Variants in MBP observed in about 807,000 individuals in gnomAD.
MBP encodes Golli-MBP.
A neutral mutation model predicts 35.8 loss-of-function variants in MBP; 16 were observed. The ratio of observed to expected loss-of-function variants is 0.45; its 90% confidence interval spans 0.30 to 0.68. The LOEUF is 0.68. Ranked by LOEUF, MBP falls within the 30% of genes least tolerant of loss-of-function variation. The pLI, the probability that MBP is intolerant of heterozygous loss-of-function variation, is 0.08. For missense variants in MBP, 380 were observed against 404.7 expected (o/e 0.94, Z 0.52); for synonymous variants, 143 against 159.6 (o/e 0.90, Z 0.78).
At chr18:77,092,205 G>A (rs1466371976) in intron 2 of MBP, among the ~76,000 whole-genome samples, 9 of 152,266 alleles carry the variant, frequency 5.9e-5, no homozygotes, top group Non-Finnish European at 1.5e-5. Context: ...GGCACAGTGC[G>A]CGGCGCCTCA....
chr18:77,061,970 G>C (rs1265498804), intron 3 of MBP, among the ~76,000 whole-genome samples: 1 of 152,224 alleles, frequency 6.6e-6, no homozygotes. Flanking sequence ...GCCCTGTGAA[G>C]TGGACGCAGT....
intron 3 of MBP, among the ~76,000 whole-genome samples, chr18:77,027,982 T>TATTTA (rs1972289349): frequency 6.9e-6 from 1 of 145,442 alleles, no homozygotes; most frequent in Non-Finnish European, 1.5e-5. Context: ...CCCAGCTAAT[T>TATTTA]TTTATTTATT....
At chr18:77,055,396 C>G (rs1324088788) in intron 3 of MBP, among the ~76,000 whole-genome samples, 4 of 152,184 alleles carry the variant, frequency 2.6e-5, no homozygotes, top group African/African-American at 7.2e-5. Context: ...CAACCCCTGA[C>G]CCAGGAGGTG....
chr18:77,105,056 T>C (rs1260710538), intron 2 of MBP, among the ~76,000 whole-genome samples, 155 bp downstream of exon 2: 1 of 152,140 alleles, frequency 6.6e-6, no homozygotes, highest in Non-Finnish European at 1.5e-5. Flanking sequence ...TCATAATTAA[T>C]TATTAATAAT....
At chr18:77,076,567 C>T (rs62104280) in intron 2 of MBP, among the ~76,000 whole-genome samples, 23,809 of 152,260 alleles carry the variant, frequency 0.16, 2,087 homozygotes, top group Middle Eastern at 0.24. Context: ...GCTGCTGCTG[C>T]TTCAGTGCTG....
intron 2 of MBP, among the ~76,000 whole-genome samples, chr18:77,078,804 G>A (rs60881143): frequency 0.031 from 4,750 of 152,266 alleles, 135 homozygotes; most frequent in East Asian, 0.088. Context: ...CCCTGGGGTC[G>A]GGTGGACTCC....
chr18:77,107,974 C>T (rs1043407662), intron 1 of MBP, among the ~76,000 whole-genome samples: 5 of 152,116 alleles, frequency 3.3e-5, no homozygotes, highest in East Asian at 1.9e-4. Flanking sequence ...AGGAACAAAA[C>T]GACAACTTGA....
chr18:76,998,372 A>G lies in MBP; in HGVS notation c.577-8312T>C, dbSNP rs1044142631. Among the ~76,000 whole-genome samples, 7 of 152,102 alleles carry G rather than the reference A, an allele frequency of 4.6e-5. No homozygotes were observed. In the South Asian group the frequency reaches 1.0e-3, roughly 23 times the overall value. ...TCCACCGTTAGGCTGAACGACATCC[A>G]CGGCACCGTATGCGCGGATTGCTTT... On this transcript the variant is annotated intron_variant, in intron 4 of 8. Coordinates refer to ENST00000355994, the MANE Select transcript of MBP (RefSeq NM_001025101.2).
intron 3 of MBP, among the ~76,000 whole-genome samples, chr18:77,028,466 C>T (rs1184960487): frequency 1.9e-5 from 2 of 105,418 alleles, no homozygotes; most frequent in African/African-American, 5.6e-5. Context: ...TCCACAAAAC[C>T]GCCATTGTCA....
intron 3 of MBP, among the ~76,000 whole-genome samples, chr18:77,059,394 AT>A (rs1380954797): frequency 1.3e-5 from 2 of 152,100 alleles, no homozygotes; most frequent in South Asian, 4.1e-4. Context: ...CCATTAATTA[AT>A]TTTAATTATT....
intron 1 of MBP, among the ~76,000 whole-genome samples, chr18:77,120,112 G>A (rs1485595191): frequency 2.6e-5 from 4 of 152,346 alleles, no homozygotes; most frequent in Non-Finnish European, 4.4e-5. Flanking sequence ...CATGAATCCC[G>A]CCTTGTCTCG....
chr18:77,117,095 C>T (rs760246518), intron 1 of MBP, among the ~76,000 whole-genome samples: 3 of 152,220 alleles, frequency 2.0e-5, no homozygotes, highest in Admixed American at 6.5e-5. Flanking sequence ...TTCTCCTTCA[C>T]GTCACATGTA....
At chr18:76,984,253 G>A (rs1969399242) in intron 8 of MBP, 1 of 155,122 alleles carries the variant, frequency 6.4e-6, no homozygotes, top group South Asian at 2.0e-4. Flanking sequence ...CCATTTTACA[G>A]ATGAGAAAAC....
intron 2 of MBP, among the ~76,000 whole-genome samples, chr18:77,094,801 C>T (rs1239059175): frequency 6.6e-6 from 1 of 152,168 alleles, no homozygotes. Flanking sequence ...GGGAGCCACT[C>T]GCAACTGTGG....
intron 1 of MBP, among the ~76,000 whole-genome samples, chr18:77,123,486 G>T (rs539561572): frequency 6.6e-6 from 1 of 152,330 alleles, no homozygotes; most frequent in South Asian, 2.1e-4. Flanking sequence ...CTATTCAGAT[G>T]AGCTGTGTCG....
chr18:77,037,246 G>C (rs1028713664), intron 3 of MBP, among the ~76,000 whole-genome samples: 2 of 150,154 alleles, frequency 1.3e-5, no homozygotes, highest in African/African-American at 4.9e-5. Context: ...AGCTGAGCAA[G>C]TGCTGGTCAC....
At chr18:77,076,179 C>T (rs8099008) in intron 2 of MBP, among the ~76,000 whole-genome samples, 56,096 of 152,092 alleles carry the variant, frequency 0.37, 11,725 homozygotes, top group South Asian at 0.6. Context: ...ACTTGTCCCA[C>T]GGAGAAGTGA....
Position 77,101,234 on chromosome 18 carries a change from C to A in MBP, c.51+3977G>T, listed in dbSNP as rs1975994814. ...AGGCACGTCCCTGGGTTCTCCAGGG[C>A]AGCTGGCACCCTTTCCTTCTTGGGT... On this transcript the variant is annotated intron_variant, in intron 2 of 8. Coordinates refer to ENST00000355994, the MANE Select transcript of MBP (RefSeq NM_001025101.2). This position sits in a 1 kb window ranked among gnomAD's most constrained non-coding sequence, Gnocchi z 4.3. Among the ~76,000 whole-genome samples the A allele has an allele frequency of 6.6e-6, 1 of 152,238 alleles. No individual in the cohort carries two copies. The highest frequency in any genetic ancestry group is 2.1e-4 in the South Asian group (1 of 4,838).
Position 77,043,711 on chromosome 18 carries a change from C to T in MBP, c.139+22587G>A, listed in dbSNP as rs536826716. 6.6e-5 allele frequency among the ~76,000 whole-genome samples: 10 copies of T among 152,196 alleles called. No individual in the cohort carries two copies. In the East Asian group the frequency reaches 1.5e-3, roughly 24 times the overall value. ...TGCGTGCGTGCCCCGCACCCCGTGG[C>T]GGACTGAGTCACTGCTTTGCTGTTG... On this transcript the variant is annotated intron_variant, in intron 3 of 8. Coordinates refer to ENST00000355994, the MANE Select transcript of MBP (RefSeq NM_001025101.2).
Sources: gnomAD v4.1 joint callset for allele counts (sites outside exome capture counted in the v4.1 genomes callset) on GRCh38, gnomAD v4.1.1 for gene constraint, Gnocchi (gnomAD v3.1) non-coding constraint, MANE v1.5 for transcripts, NCBI Gene and HGNC (gene_info 2026-07-23, HGNC 2026-07-21) for gene names.